Variants in LHFPL6 observed in about 807,000 individuals in gnomAD.
LHFPL6 encodes LHFPL tetraspan subfamily member 6 protein.
A neutral mutation model predicts 20.6 loss-of-function variants in LHFPL6; 9 were observed. The ratio of observed to expected loss-of-function variants is 0.44; its 90% confidence interval spans 0.26 to 0.76. The LOEUF is 0.76. LHFPL6 is among the 30% of genes least tolerant of loss of function. The probability of loss-of-function intolerance (pLI) is 0.20; values close to 1 mark genes in which losing one functional copy is unlikely to be tolerated. For synonymous variants in LHFPL6, 105 were observed against 98.7 expected, an observed-to-expected ratio of 1.06 and a Z score of -0.38; for missense variants, 218 against 253.5, an observed-to-expected ratio of 0.86 and a Z score of 0.95.
chr13:39,406,717 C>T (rs926098389), intron 2 of LHFPL6, among the ~76,000 whole-genome samples: 1 of 152,170 alleles, frequency 6.6e-6, no homozygotes, highest in Non-Finnish European at 1.5e-5. Flanking sequence ...CATTAAAATG[C>T]CATATACATC....
At chr13:39,461,332 T>C (rs1359857699) in intron 2 of LHFPL6, among the ~76,000 whole-genome samples, 1 of 152,206 alleles carries the variant, frequency 6.6e-6, no homozygotes, top group African/African-American at 2.4e-5. Context: ...GAATGATTTA[T>C]ATTCCTTTGG....
At chr13:39,366,392 T>C (rs35857880) in intron 3 of LHFPL6, among the ~76,000 whole-genome samples, 42,826 of 152,070 alleles carry the variant, frequency 0.28, 6,245 homozygotes, top group Middle Eastern at 0.33. Flanking sequence ...TGCTAATTAG[T>C]AAAGCTTCCA....
At chr13:39,466,512 G>A (rs562178405) in intron 2 of LHFPL6, among the ~76,000 whole-genome samples, 1 of 152,272 alleles carries the variant, frequency 6.6e-6, no homozygotes, top group South Asian at 2.1e-4. Flanking sequence ...CTACTACACA[G>A]GTCTTGACTT....
chr13:39,395,187 T>C (rs1269985535), intron 2 of LHFPL6, among the ~76,000 whole-genome samples: 2 of 152,260 alleles, frequency 1.3e-5, no homozygotes, highest in Non-Finnish European at 1.5e-5. Context: ...TTCAGCAGAA[T>C]GAGCAGCTGC....
rs556794459 is a variant in LHFPL6, at chr13:39,561,622, C to T, written c.385+39210G>A. On this transcript the variant is annotated intron_variant, in intron 2 of 3. Coordinates refer to ENST00000379589, the MANE Select transcript of LHFPL6 (RefSeq NM_005780.3). ...GAATCATAGGCACAAGCCGCCATGT[C>T]TGCTTTGTTTGTTTGGTAAAAACAG... Among the ~76,000 whole-genome samples, 4 of 152,318 alleles carry T rather than the reference C, an allele frequency of 2.6e-5. No homozygotes were observed. In the South Asian group the frequency reaches 8.3e-4, roughly 32 times the overall value.
intron 2 of LHFPL6, among the ~76,000 whole-genome samples, chr13:39,597,097 A>G (rs1420527030): frequency 6.6e-6 from 1 of 152,246 alleles, no homozygotes; most frequent in Non-Finnish European, 1.5e-5. Context: ...TTCTTAGAAC[A>G]GAACAGTGTC....
chr13:39,591,454 A>G (rs1290321417), intron 2 of LHFPL6, among the ~76,000 whole-genome samples: 2 of 152,190 alleles, frequency 1.3e-5, no homozygotes, highest in Admixed American at 1.3e-4. Flanking sequence ...CAAAACCAAC[A>G]ATAAATGCAT....
chr13:39,402,295 G>A (rs145149518), intron 2 of LHFPL6, among the ~76,000 whole-genome samples: 3 of 152,226 alleles, frequency 2.0e-5, no homozygotes, highest in African/African-American at 7.2e-5. Flanking sequence ...CACAATCATG[G>A]CTCACTGTAA....
chr13:39,514,408 A>G (rs1346032784), intron 2 of LHFPL6, among the ~76,000 whole-genome samples: 3 of 152,152 alleles, frequency 2.0e-5, no homozygotes, highest in Non-Finnish European at 4.4e-5. Context: ...GGATTAGTGT[A>G]CTCACTGTTT....
At chr13:39,402,448 T>C (rs1871017360) in intron 2 of LHFPL6, among the ~76,000 whole-genome samples, 1 of 152,184 alleles carries the variant, frequency 6.6e-6, no homozygotes, top group Non-Finnish European at 1.5e-5. Context: ...CAAGCTGGTC[T>C]TGAACTCCTG....
At chr13:39,495,531 T>G (rs1869069280) in intron 2 of LHFPL6, among the ~76,000 whole-genome samples, 1 of 151,956 alleles carries the variant, frequency 6.6e-6, no homozygotes, top group Non-Finnish European at 1.5e-5. Context: ...AGTGAAAAGA[T>G]AAGTTGTGGT....
intron 3 of LHFPL6, among the ~76,000 whole-genome samples, chr13:39,372,624 T>C (rs771508581): frequency 9.9e-5 from 15 of 152,228 alleles, no homozygotes; most frequent in Non-Finnish European, 1.9e-4. Context: ...CTGCACTTAA[T>C]AAAATATAAA....
At chr13:39,371,263 G>A (rs1054980152) in intron 3 of LHFPL6, among the ~76,000 whole-genome samples, 3 of 152,162 alleles carry the variant, frequency 2.0e-5, no homozygotes, top group Admixed American at 6.5e-5. Context: ...GCAAAATAGC[G>A]AGACAAATTA....
chr13:39,521,141 G>T (rs757921743), intron 2 of LHFPL6, among the ~76,000 whole-genome samples: 3 of 152,074 alleles, frequency 2.0e-5, no homozygotes, highest in South Asian at 2.1e-4. Flanking sequence ...GTAGCATAAG[G>T]TACCTGCAGC....
In LHFPL6 at chr13:39,601,444, C is replaced by T. The variant is rs187486847; in HGVS notation, c.-174-54G>A. 41 of 432,568 alleles carry T rather than the reference C, an allele frequency of 9.5e-5. No homozygotes were observed. The Admixed American group carries it at 1.4e-3, about 15-fold the overall frequency. The allele number at this position is 432,568 out of a possible 1,614,324, so 26.8% of individuals were successfully genotyped here. Reference sequence around the variant, plus strand: ...TTAAAGGCATTAAAAGAAGTGATAACACTGTTTCAGCTAGTCTACAATTTT... The same window carrying T: ...TTAAAGGCATTAAAAGAAGTGATAATACTGTTTCAGCTAGTCTACAATTTT... On this transcript the variant is annotated intron_variant, in intron 1 of 3. Coordinates refer to ENST00000379589, the MANE Select transcript of LHFPL6 (RefSeq NM_005780.3).
intron 3 of LHFPL6, among the ~76,000 whole-genome samples, chr13:39,366,897 C>T (rs1870026734): frequency 6.6e-6 from 1 of 152,170 alleles, no homozygotes; most frequent in South Asian, 2.1e-4. Flanking sequence ...CAGAGAAAGG[C>T]ATTATTTTTA....
intron 2 of LHFPL6, among the ~76,000 whole-genome samples, chr13:39,499,966 G>A (rs1869237105): frequency 6.6e-6 from 1 of 152,012 alleles, no homozygotes; most frequent in Non-Finnish European, 1.5e-5. Context: ...ATTTTGTCCA[G>A]GATTCTAGAA....
chr13:39,547,341 T>A (rs570215742), intron 2 of LHFPL6, among the ~76,000 whole-genome samples: 4 of 152,112 alleles, frequency 2.6e-5, no homozygotes, highest in Non-Finnish European at 5.9e-5. Flanking sequence ...GCTCCATTCA[T>A]CTTGTATCCC....
intron 2 of LHFPL6, among the ~76,000 whole-genome samples, chr13:39,542,722 T>G (rs996163816): frequency 6.6e-6 from 1 of 152,328 alleles, no homozygotes; most frequent in African/African-American, 2.4e-5. Flanking sequence ...AACTTTCTCT[T>G]CAGTTCCTTG....
Sources: gnomAD v4.1 joint callset for allele counts (sites outside exome capture counted in the v4.1 genomes callset) on GRCh38, gnomAD v4.1.1 for gene constraint, MANE v1.5 for transcripts, NCBI Gene and HGNC (gene_info 2026-07-23, HGNC 2026-07-21) for gene names.